TNRC18: variants seen among roughly 807,000 people sequenced by gnomAD.
TNRC18 encodes the protein trinucleotide repeat containing 18.
Under a neutral mutation model 226.7 loss-of-function variants are expected in TNRC18, and 69 were observed. The observed-to-expected ratio is 0.30, with a 90% CI of 0.25 to 0.37. The LOEUF (loss-of-function observed/expected upper bound fraction) is 0.37. Among genes scored for constraint, TNRC18 ranks in the 10% least tolerant of loss-of-function variants. The pLI, the probability that TNRC18 is intolerant of heterozygous loss-of-function variation, is 1.00. For missense variants in TNRC18, 4,754 were observed against 4,256.6 expected (o/e 1.12, Z -3.25); for synonymous variants, 2,449 against 1,927.6 (o/e 1.27, Z -7.09).
intron 24 of TNRC18, among the ~76,000 whole-genome samples, chr7:5,317,892 C>T (rs1389567931): frequency 6.6e-6 from 1 of 151,454 alleles, no homozygotes; most frequent in Non-Finnish European, 1.5e-5. Context: ...TTTTTTGAGA[C>T]AGAGTCTCAC....
chr7:5,374,330 G>A lies in TNRC18; in HGVS notation c.2954C>T (p.Thr985Ile). ...TGGCGGGCTCACGGCCTTGCCGTAG[G>A]TGCCCGCGGGGCCGGCGGCCAGGCC... ...PPGLAAGPAGTYGKAVSPPPS... is the reference protein window; with the variant it reads ...PPGLAAGPAGIYGKAVSPPPS... The change falls in exon 10 of 30, where the codon ACC becomes ATC. Residue 985 changes from threonine to isoleucine, a missense_variant. Physicochemically the swap from Thr to Ile is moderately conservative, Grantham distance 89 (BLOSUM62 -1). Transcript: ENST00000430969. 1.4e-6 allele frequency: 2 copies of A among 1,423,110 alleles called. No individual in the cohort carries two copies. Among genetic ancestry groups the A allele is most frequent in the African/African-American group, 1.5e-5 (1 of 65,766 alleles). The allele number at this position is 1,423,110 out of a possible 1,614,324, so 88.2% of individuals were successfully genotyped here.
chr7:5,343,507 C>T (rs913454674), intron 18 of TNRC18, among the ~76,000 whole-genome samples: 1 of 152,184 alleles, frequency 6.6e-6, no homozygotes, highest in Non-Finnish European at 1.5e-5. Context: ...ACTGCAGCCT[C>T]GACCTCCCGA....
chr7:5,386,664 C>T (rs1403868881), intron 5 of TNRC18, among the ~76,000 whole-genome samples: 2 of 151,916 alleles, frequency 1.3e-5, no homozygotes, highest in African/African-American at 2.4e-5. Context: ...GTTGGAGGAT[C>T]GCTTGAGCCC....
At chr7:5,395,204 G>T (rs975574889) in intron 2 of TNRC18, among the ~76,000 whole-genome samples, 2 of 152,342 alleles carry the variant, frequency 1.3e-5, no homozygotes, top group African/African-American at 2.4e-5. Context: ...CAGCCCTGCA[G>T]GGTGTCCCCC....
intron 11 of TNRC18, among the ~76,000 whole-genome samples, chr7:5,367,754 AC>A (rs1231055455): frequency 6.7e-6 from 1 of 150,060 alleles, no homozygotes; most frequent in Non-Finnish European, 1.5e-5. Context: ...ATTTTCTTCT[AC>A]CCAAAAAAAA....
In TNRC18 at chr7:5,376,122, T is replaced by C. The variant is rs1794647702; in HGVS notation, c.2711A>G (p.Gln904Arg). 1.9e-6 allele frequency: 3 copies of C among 1,590,792 alleles called. No homozygotes were observed. The highest frequency in any genetic ancestry group is 2.7e-5 in the African/African-American group (2 of 74,500). ...HHAQQLQLFS[Q>R]QHFLRQQEFL... ...CTCCTGCTGCCGCAGGAAGTGCTGCTGTGAGAAGAGCTGCAGCTGCTGGGC... is the reference window on the plus strand; with the variant it reads ...CTCCTGCTGCCGCAGGAAGTGCTGCCGTGAGAAGAGCTGCAGCTGCTGGGC... Residue 904 changes from glutamine to arginine, a missense_variant, in exon 9 of 30, where the codon CAG becomes CGG. Coordinates refer to ENST00000430969, the MANE Select transcript of TNRC18 (RefSeq NM_001080495.3).
intron 5 of TNRC18, among the ~76,000 whole-genome samples, chr7:5,381,784 G>A (rs1779414633): frequency 2.0e-5 from 3 of 152,052 alleles, no homozygotes; most frequent in Admixed American, 1.3e-4. Flanking sequence ...TGGCTAACAT[G>A]GTGAAACCTC....
At chr7:5,352,143 G>C (rs1368677237) in intron 16 of TNRC18, 49 bp from the exon 17 acceptor site, 13 of 1,522,772 alleles carry the variant, frequency 8.5e-6, no homozygotes, top group Non-Finnish European at 1.1e-5. Context: ...GGCAGCAGGA[G>C]CTGGTGTCAT....
At chr7:5,389,537 C>T in intron 4 of TNRC18, 1 of 527,180 alleles carries the variant, frequency 1.9e-6, no homozygotes, top group East Asian at 4.6e-5. Context: ...TCACTGCAAC[C>T]TCCACCTCCT....
At chr7:5,354,816 A>G (rs1194975614) in intron 16 of TNRC18, among the ~76,000 whole-genome samples, 1 of 152,160 alleles carries the variant, frequency 6.6e-6, no homozygotes, top group African/African-American at 2.4e-5. Flanking sequence ...ACGTAAGCTC[A>G]CTTAAGGCCC....
chr7:5,352,281 C>G (rs976917288), intron 16 of TNRC18, among the ~76,000 whole-genome samples, 187 bp from the exon 17 acceptor site: 10 of 152,202 alleles, frequency 6.6e-5, no homozygotes, highest in Admixed American at 1.3e-4. Context: ...CCAGGCTTCT[C>G]CCTTGCCCTG....
At chr7:5,314,146 T>C (rs551166248) in intron 26 of TNRC18, among the ~76,000 whole-genome samples, 2 of 152,152 alleles carry the variant, frequency 1.3e-5, no homozygotes, top group Non-Finnish European at 1.5e-5. Context: ...TTATTATTTT[T>C]TTTTTTGTAG....
In TNRC18 at chr7:5,374,292, C is replaced by A; in HGVS notation, c.2992G>T (p.Ala998Ser). 6.8e-7 allele frequency: 1 copy of A among 1,463,832 alleles called. No individual in the cohort carries two copies. The highest frequency in any genetic ancestry group is 9.0e-7 in the Non-Finnish European group (1 of 1,110,728). The allele number at this position is 1,463,832 out of a possible 1,614,324, so 90.7% of individuals were successfully genotyped here. ...KAVSPPPSPR[A>S]SPVAALKAKV... is the part of the protein sequence containing the mutation. Reference sequence around the variant, plus strand: ...GCCTTCAGGGCAGCCACAGGGGATGCGCGGGGTGATGGTGGCGGGCTCACG... The same window carrying A: ...GCCTTCAGGGCAGCCACAGGGGATGAGCGGGGTGATGGTGGCGGGCTCACG... The change falls in exon 10 of 30, where the codon GCA becomes TCA. Residue 998 changes from alanine to serine, a missense_variant. Transcript: ENST00000430969.
At chr7:5,345,863 A>AC (rs1791135564) in intron 17 of TNRC18, 53 bp from the exon 18 acceptor site, 4 of 1,497,562 alleles carry the variant, frequency 2.7e-6, no homozygotes, top group African/African-American at 2.8e-5. Flanking sequence ...GGCGAGGGCC[A>AC]CCCCCCACCG....
chr7:5,385,224 C>T (rs1013046356), intron 5 of TNRC18, among the ~76,000 whole-genome samples: 4 of 152,268 alleles, frequency 2.6e-5, no homozygotes, highest in Non-Finnish European at 4.4e-5. Context: ...CGGTGGCTCA[C>T]GCCTGTAATC....
intron 24 of TNRC18, 104 bp downstream of exon 24, chr7:5,320,214 A>G: frequency 3.4e-6 from 3 of 877,238 alleles, no homozygotes; most frequent in Non-Finnish European, 5.5e-6. Flanking sequence ...ATGTGAGCCC[A>G]CAAGTCTTTA....
rs924197366 is a variant in TNRC18 at position 5,345,439 on chromosome 7, G to C, written c.5719+123C>G. The C allele has an allele frequency of 4.0e-6, 4 of 990,524 alleles. No homozygotes were observed. In the African/African-American group the frequency reaches 6.5e-5, roughly 16 times the overall value. 61.4% of individuals were successfully genotyped at this position (990,524 alleles called of 1,614,324 possible). ...GCACGGGGCTGGCCCACGAGGCTGG[G>C]GTTCTGCCCATTCCCAGCTCTGCAC... On this transcript the variant is annotated intron_variant, in intron 18 of 29. Coordinates refer to ENST00000430969, the MANE Select transcript of TNRC18 (RefSeq NM_001080495.3).
At position 5,370,614 on chromosome 7, in the gene TNRC18, C is replaced by A; in HGVS notation, c.3980G>T (p.Ser1327Ile). 4.3e-6 allele frequency: 7 copies of A among 1,613,292 alleles called. No homozygotes were observed. The highest frequency in any genetic ancestry group is 5.9e-6 in the Non-Finnish European group (7 of 1,179,782). The part of the protein sequence containing the change: ...LGSTCFLEEA[S>I]SDQFLPSLED... ...CAGACTGGGCAGGAACTGGTCAGAG[C>A]TTGCCTCTTCCAGGAAGCAGGTGCT... The change falls in exon 11 of 30, where the codon AGC becomes ATC. Residue 1327 changes from serine to isoleucine, a missense_variant. Transcript: ENST00000430969.
Position 5,374,260 on chromosome 7 carries a change from G to A in TNRC18, c.3024C>T (p.Val1008=). 1 of 1,496,978 alleles carries A rather than the reference G, an allele frequency of 6.7e-7. No homozygotes were observed. Among genetic ancestry groups the A allele is most frequent in the Non-Finnish European group, 8.9e-7 (1 of 1,122,908 alleles). The allele number at this position is 1,496,978 out of a possible 1,614,324, so 92.7% of individuals were successfully genotyped here. The change falls in exon 10 of 30, where the codon GTC becomes GTT. Residue 1008 remains valine (V), a synonymous_variant. Coordinates refer to ENST00000430969, the MANE Select transcript of TNRC18 (RefSeq NM_001080495.3). ...TGGACACGTCCTCCAGCTTCTGGATGACCTTGGCCTTCAGGGCAGCCACAG... is the reference window on the plus strand; with the variant it reads ...TGGACACGTCCTCCAGCTTCTGGATAACCTTGGCCTTCAGGGCAGCCACAG... ...ASPVAALKAK[V]IQKLEDVSKP...
Sources: allele counts gnomAD v4.1 joint callset (sites outside exome capture counted in the v4.1 genomes callset), GRCh38; gene constraint gnomAD v4.1.1; transcripts MANE v1.5; gene names NCBI Gene and HGNC (gene_info 2026-07-23, HGNC 2026-07-21).